ERBB2: variants seen among roughly 807,000 people sequenced by gnomAD.
ERBB2 encodes the protein erb-b2 receptor tyrosine kinase 2, also known as receptor tyrosine-protein kinase erbB-2.
In ERBB2, 61 loss-of-function variants were observed where a neutral mutation model predicts 149.0. The ratio of observed to expected loss-of-function variants is 0.41; its 90% CI spans 0.33 to 0.51. The LOEUF is 0.51. ERBB2 is among the 20% of genes least tolerant of loss of function. The pLI, the probability that ERBB2 is intolerant of heterozygous loss-of-function variation, is 0.25. For synonymous variants in ERBB2, 633 were observed against 678.8 expected (o/e 0.93, Z 1.05); for missense variants, 1,205 against 1,655.1 (o/e 0.73, Z 4.72).
chr17:39,703,511 C>T (rs1432931391), intron 1 of ERBB2: 5 of 152,252 alleles, frequency 3.3e-5, no homozygotes, highest in South Asian at 4.1e-4. Context: ...TACAAAGCCT[C>T]GTCATGTTTA....
At chr17:39,709,786 A>G in intron 4 of ERBB2, 27 bp from the exon 5 acceptor site, 3 of 1,602,028 alleles carry the variant, frequency 1.9e-6, no homozygotes, top group Non-Finnish European at 1.7e-6. Context: ...CATCTCTCTC[A>G]CTGCCTGTCT....
In ERBB2 at chr17:39,725,766, C is replaced by A. The variant is rs781070018; in HGVS notation, c.2785C>A (p.Arg929=). Residue 929 remains arginine (R), a synonymous_variant, in exon 23 of 27, where the codon CGG becomes AGG. Coordinates refer to ENST00000269571, the MANE Select transcript of ERBB2 (RefSeq NM_004448.4). This position sits in a 1 kb window ranked among gnomAD's most constrained non-coding sequence, Gnocchi z 4.6. ...GAKPYDGIPA[R]EIPDLLEKGE... ...CAAACCTTACGATGGGATCCCAGCC[C>A]GGGAGATCCCTGACCTGCTGGAAAA... 3 of 1,613,618 alleles carry A rather than the reference C, an allele frequency of 1.9e-6. No homozygotes were observed. Among genetic ancestry groups the A allele is most frequent in the Non-Finnish European group, 2.5e-6 (3 of 1,179,832 alleles).
chr17:39,706,478 T>C (rs568237001), intron 1 of ERBB2, among the ~76,000 whole-genome samples: 1 of 152,248 alleles, frequency 6.6e-6, no homozygotes, highest in African/African-American at 2.4e-5. Flanking sequence ...TTCCCCACTC[T>C]CTGGGTGGCA....
upstream of ERBB2, among the ~76,000 whole-genome samples, chr17:39,697,731 T>A (rs1480157066): frequency 6.6e-6 from 1 of 152,082 alleles, no homozygotes; most frequent in Non-Finnish European, 1.5e-5. Flanking sequence ...TCTTACTCTG[T>A]CACCCAGGCT....
At chr17:39,693,641 C>T (rs2057760687), upstream of ERBB2, among the ~76,000 whole-genome samples, 1 of 151,896 alleles carries the variant, frequency 6.6e-6, no homozygotes, top group Non-Finnish European at 1.5e-5. Flanking sequence ...TTCTGTAATC[C>T]CAGCTACTCA....
At chr17:39,710,523 GA>G in intron 7 of ERBB2, 42 bp downstream of exon 7, 10 of 1,611,866 alleles carry the variant, frequency 6.2e-6, no homozygotes, top group Non-Finnish European at 8.5e-6. Flanking sequence ...TTTTGGTGGG[GA>G]GGTTTGTTTC....
At chr17:39,720,471 G>C (rs1186775800) in intron 16 of ERBB2, among the ~76,000 whole-genome samples, 3 of 152,072 alleles carry the variant, frequency 2.0e-5, no homozygotes, top group Non-Finnish European at 4.4e-5. Flanking sequence ...CTTTGGAAAG[G>C]ACTTTGGGGA....
upstream of ERBB2, chr17:39,699,855 C>A: frequency 1.7e-6 from 1 of 588,208 alleles, no homozygotes; most frequent in Non-Finnish European, 2.7e-6. Flanking sequence ...TGCAGGCAAC[C>A]CAGGCGTCCC....
rs751270411 is a variant in ERBB2 at position 39,712,448 on chromosome 17, G to A, written c.1148G>A (p.Gly383Glu). The A allele has an allele frequency of 1.2e-6, 2 of 1,613,456 alleles. No individual in the cohort carries two copies. The highest frequency in any genetic ancestry group is 2.2e-5 in the South Asian group (2 of 90,902). The change falls in exon 9 of 27, where the codon GGG becomes GAG. Residue 383 changes from glycine to glutamate, a missense_variant and splice_region_variant. Physicochemically the swap from Gly to Glu is moderately conservative, Grantham distance 98. This residue lies in a region of ERBB2 where 569 missense variants were observed against 803.5 expected (regional missense o/e 0.71). Coordinates refer to ENST00000269571, the MANE Select transcript of ERBB2 (RefSeq NM_004448.4). Reference sequence around the variant, plus strand: ...GCATTTCTGCCGGAGAGCTTTGATGGGTAAGAGTGGGCACGATGACCTGAG... The same window carrying A: ...GCATTTCTGCCGGAGAGCTTTGATGAGTAAGAGTGGGCACGATGACCTGAG... ...SLAFLPESFD[G>E]DPASNTAPLQ...
In ERBB2 at chr17:39,724,026, C is replaced by T. The variant is rs1040294545; in HGVS notation, c.2307+16C>T. ...AATCTTAGACGTAAGCCCCTCCACCCTCTCCTGCTAGGAGGACAGGAAGGA... is the reference window on the plus strand; with the variant it reads ...AATCTTAGACGTAAGCCCCTCCACCTTCTCCTGCTAGGAGGACAGGAAGGA... On this transcript the variant is annotated intron_variant, in intron 19 of 26. Transcript: ENST00000269571. 13 of 1,589,684 alleles carry T rather than the reference C, an allele frequency of 8.2e-6. No individual in the cohort carries two copies. Among genetic ancestry groups the T allele is most frequent in the African/African-American group, 1.3e-5 (1 of 74,390 alleles).
In ERBB2 at chr17:39,715,843, C is replaced by G. The variant is rs756500045; in HGVS notation, c.1417C>G (p.His473Asp). Residue 473 changes from histidine to aspartate, a missense_variant, in exon 12 of 27, where the codon CAC becomes GAC. Around this residue, in one of 6 missense-constraint regions of ERBB2, gnomAD observed 569 missense variants for 803.5 expected, o/e 0.71. Transcript: ENST00000269571. ...SGLALIHHNT[H>D]LCFVHTVPWD... ...ACTGGCCCTCATCCACCATAACACC[C>G]ACCTCTGCTTCGTGCACACGGTGCC... 3 of 1,612,460 alleles carry G rather than the reference C, an allele frequency of 1.9e-6. No homozygotes were observed. In the South Asian group the frequency reaches 3.3e-5, roughly 18 times the overall value.
At chr17:39,711,906 T>C (rs780098240) in intron 7 of ERBB2, 22 bp from the exon 8 acceptor site, 4 of 1,613,936 alleles carry the variant, frequency 2.5e-6, no homozygotes, top group Non-Finnish European at 3.4e-6. Flanking sequence ...GGTATGTGGC[T>C]ACATGTTCCT....
At chr17:39,693,555 C>T (rs1217041475), upstream of ERBB2, among the ~76,000 whole-genome samples, 2 of 151,802 alleles carry the variant, frequency 1.3e-5, no homozygotes, top group Non-Finnish European at 2.9e-5. Flanking sequence ...GATCATGGCT[C>T]ACTGCAGCCA....
chr17:39,708,238 T>C (rs1474370699), intron 2 of ERBB2, 83 bp from the exon 3 acceptor site: 1 of 1,053,434 alleles, frequency 9.5e-7, no homozygotes, highest in Non-Finnish European at 1.4e-6. Context: ...TTGCCCAAGA[T>C]CTCCAAGTAC....
At chr17:39,699,664 A>AT, upstream of ERBB2, 3 of 948,190 alleles carry the variant, frequency 3.2e-6, no homozygotes, top group Non-Finnish European at 4.9e-6. Flanking sequence ...TTTGATATTA[A>AT]AACAAATAGG....
In ERBB2 at chr17:39,723,051, T is replaced by C. The variant is rs988985034; in HGVS notation, c.1947-268T>C. ...TTAGTGATTTTTACACCATGAATTG[T>C]TGAAGCCCTAAGCCAGAGCCAAGGG... On this transcript the variant is annotated intron_variant, in intron 16 of 26. Coordinates refer to ENST00000269571, the MANE Select transcript of ERBB2 (RefSeq NM_004448.4). This position sits in a 1 kb window ranked among gnomAD's most constrained non-coding sequence, Gnocchi z 6.2. Among the ~76,000 whole-genome samples the C allele has an allele frequency of 6.6e-6, 1 of 152,128 alleles. No individual in the cohort carries two copies. The highest frequency in any genetic ancestry group is 2.4e-5 in the African/African-American group (1 of 41,406).
At chr17:39,694,940 C>T (rs2057827692) in exon 1 of ERBB2, 2 of 152,294 alleles carry the variant, frequency 1.3e-5, no homozygotes, top group African/African-American at 2.4e-5. Flanking sequence ...ATACCAAATC[C>T]GAAAATATTG....
intron 1 of ERBB2, among the ~76,000 whole-genome samples, chr17:39,701,587 GC>G (rs1035330921): frequency 2.6e-5 from 4 of 152,132 alleles, no homozygotes; most frequent in Non-Finnish European, 5.9e-5. Flanking sequence ...TGCCCGAGGG[GC>G]CCTCTGTGAG....
At position 39,725,323 on chromosome 17, in the gene ERBB2, C is replaced by G. The variant is rs1350400134; in HGVS notation, c.2650-4C>G. 1.9e-6 allele frequency: 3 copies of G among 1,614,056 alleles called. No homozygotes were observed. The South Asian group carries it at 3.3e-5, about 18-fold the overall frequency. ...TTGGAGGACTTCCTCTTCTGCCCTCCCAGGTGCCCATCAAGTGGATGGCGC... is the reference window on the plus strand; with the variant it reads ...TTGGAGGACTTCCTCTTCTGCCCTCGCAGGTGCCCATCAAGTGGATGGCGC... On this transcript the variant is annotated splice_region_variant and splice_polypyrimidine_tract_variant and intron_variant, in intron 21 of 26. Transcript: ENST00000269571. This position sits in a 1 kb window ranked among gnomAD's most constrained non-coding sequence, Gnocchi z 4.6.
Sources: gnomAD v4.1 joint callset for allele counts (sites outside exome capture counted in the v4.1 genomes callset) on GRCh38, gnomAD v4.1.1 for gene constraint, gnomAD v4.1.1 regional missense constraint, Gnocchi (gnomAD v3.1) non-coding constraint, MANE v1.5 for transcripts, NCBI Gene and HGNC (gene_info 2026-07-23, HGNC 2026-07-21) for gene names.